The following TEX22 variants were observed in gnomAD, a reference collection of about 807,000 sequenced individuals.
The protein encoded by TEX22 is testis expressed 22, also known as testis-expressed protein 22.
TEX22 carries 16 observed loss-of-function variants against 11.3 expected under a neutral mutation model. The observed-to-expected ratio is 1.42, with a 90% CI of 0.96 to 2.15. The LOEUF (loss-of-function observed/expected upper bound fraction) is 2.15. Among genes scored for constraint, TEX22 ranks in the 30% most tolerant of loss-of-function variants. The probability of loss-of-function intolerance (pLI) is 0.00; values close to 1 mark genes in which losing one functional copy is unlikely to be tolerated. For missense variants in TEX22, 220 were observed against 208.6 expected (o/e 1.05, Z -0.34); for synonymous variants, 97 against 92.3 (o/e 1.05, Z -0.29).
At chr14:105,399,232 A>G (rs1353773931) in intron 1 of TEX22, 70 bp from the exon 2 acceptor site, 5 of 873,882 alleles carry the variant, frequency 5.7e-6, no homozygotes, top group Middle Eastern at 3.0e-4. Context: ...GCCCCCAGGG[A>G]CTCAGGTATT....
At chr14:105,408,170 A>G (rs1277203317) in intron 2 of TEX22, among the ~76,000 whole-genome samples, 1 of 152,172 alleles carries the variant, frequency 6.6e-6, no homozygotes, top group Non-Finnish European at 1.5e-5. Flanking sequence ...CAGCCCTTGC[A>G]GACGTCCCAC....
At chr14:105,403,078 C>G (rs1041217046) in intron 2 of TEX22, among the ~76,000 whole-genome samples, 2 of 152,186 alleles carry the variant, frequency 1.3e-5, no homozygotes, top group African/African-American at 2.4e-5. Context: ...CACTGCAGAG[C>G]AGGGCATCCT....
intron 2 of TEX22, among the ~76,000 whole-genome samples, chr14:105,410,283 G>A (rs587660436): frequency 6.6e-6 from 1 of 152,182 alleles, no homozygotes; most frequent in East Asian, 1.9e-4. Flanking sequence ...TTCCACGTTG[G>A]TCAGGCTAGT....
At chr14:105,401,893 G>A (rs151080219) in intron 2 of TEX22, among the ~76,000 whole-genome samples, 1 of 152,260 alleles carries the variant, frequency 6.6e-6, no homozygotes, top group Non-Finnish European at 1.5e-5. Context: ...CCACTATGAC[G>A]TCAGAAAAAT....
chr14:105,399,844 G>C lies in TEX22; in HGVS notation c.150+354G>C, dbSNP rs781870215. ...GCGGGAGGGAAAGCAAGGTCCCCAG[G>C]GGGGGTGGTGTCCTCCCAACCAGGT... On this transcript the variant is annotated intron_variant, in intron 2 of 3. Transcript: ENST00000451127. Among the ~76,000 whole-genome samples, 4 of 152,324 alleles carry C rather than the reference G, an allele frequency of 2.6e-5. No homozygotes were observed. In the East Asian group the frequency reaches 5.8e-4, roughly 22 times the overall value.
chr14:105,402,613 G>T (rs894558228), intron 2 of TEX22, among the ~76,000 whole-genome samples: 19 of 152,046 alleles, frequency 1.2e-4, no homozygotes, highest in Admixed American at 1.1e-3. Flanking sequence ...AAAATTAGCC[G>T]GGCGTGGTGG....
Position 105,412,125 on chromosome 14 carries a change from A to G in TEX22, c.*292A>G. The stretch of plus-strand genomic sequence containing the variant: ...GCTTGCCCTCGGGGCCGCTGGGAGG[A>G]GGCCTGGGGTACCTGGGCCTGCCTG... On this transcript the variant is annotated 3_prime_UTR_variant, in exon 4 of 4. Transcript: ENST00000451127. The surrounding 1 kb of genome is among the most constrained non-coding windows in gnomAD (Gnocchi z 5.8). 1 of 296,164 alleles carries G rather than the reference A, an allele frequency of 3.4e-6. No homozygotes were observed. Among genetic ancestry groups the G allele is most frequent in the East Asian group, 5.6e-5 (1 of 17,824 alleles). 18.3% of individuals were successfully genotyped at this position (296,164 alleles called of 1,614,324 possible). A position where few individuals can be genotyped will look rare whatever the true frequency, so the allele number is the denominator to read the frequency against.
At chr14:105,400,815 G>A (rs1555418268) in intron 2 of TEX22, among the ~76,000 whole-genome samples, 1 of 152,184 alleles carries the variant, frequency 6.6e-6, no homozygotes, top group Non-Finnish European at 1.5e-5. Context: ...CAGGTTTTTA[G>A]TTTGGGGACA....
chr14:105,411,466 G>A lies in TEX22; in HGVS notation c.249G>A (p.Pro83=), dbSNP rs992600542. The change falls in exon 3 of 4, where the codon CCG becomes CCA. Residue 83 remains proline, a synonymous_variant. Transcript: ENST00000451127. ...CCACGCTGGGCGGCCGGGAGAGGCC[G>A]GGCGCCGCCGGGACCCAGCTGCACT... ...RLATLGGRER[P]GAAGTQLHCR... is the part of the protein sequence containing the mutation. 136 of 1,232,346 alleles carry A rather than the reference G, an allele frequency of 1.1e-4. No homozygotes were observed. Among genetic ancestry groups the A allele is most frequent in the Non-Finnish European group, 1.3e-4 (131 of 989,596 alleles). 76.3% of individuals were successfully genotyped at this position (1,232,346 alleles called of 1,614,324 possible).
chr14:105,406,923 T>A (rs1349699286), intron 2 of TEX22, among the ~76,000 whole-genome samples: 2 of 152,194 alleles, frequency 1.3e-5, no homozygotes, highest in Non-Finnish European at 2.9e-5. Context: ...TTCAAATAAT[T>A]TGCACGGTCA....
At chr14:105,402,165 G>A (rs587661035) in intron 2 of TEX22, among the ~76,000 whole-genome samples, 3 of 152,270 alleles carry the variant, frequency 2.0e-5, no homozygotes, top group East Asian at 1.9e-4. Context: ...CAGCCTGGGC[G>A]ACAGAGGGAG....
At chr14:105,403,464 T>C (rs1283529363) in intron 2 of TEX22, among the ~76,000 whole-genome samples, 1 of 152,170 alleles carries the variant, frequency 6.6e-6, no homozygotes, top group Non-Finnish European at 1.5e-5. Context: ...TTATCCTGGC[T>C]CTCCTAGACT....
intron 2 of TEX22, among the ~76,000 whole-genome samples, chr14:105,407,497 C>T (rs757840979): frequency 6.6e-6 from 1 of 151,972 alleles, no homozygotes; most frequent in Non-Finnish European, 1.5e-5. Context: ...CTCAGCCTCC[C>T]GAATAGCTGG....
chr14:105,406,567 C>T (rs78757127), intron 2 of TEX22, among the ~76,000 whole-genome samples: 7,526 of 151,680 alleles, frequency 0.05, 673 homozygotes, highest in African/African-American at 0.17. Context: ...AAAATTAGCC[C>T]GGGTGGCGTG....
intron 2 of TEX22, among the ~76,000 whole-genome samples, chr14:105,404,077 A>T (rs945693151): frequency 1.8e-4 from 27 of 152,228 alleles, no homozygotes; most frequent in African/African-American, 6.5e-4. Flanking sequence ...GGAGCTGCTT[A>T]GCTGGTGGCT....
At chr14:105,401,166 T>C (rs1046770979) in intron 2 of TEX22, among the ~76,000 whole-genome samples, 1 of 152,190 alleles carries the variant, frequency 6.6e-6, no homozygotes, top group Non-Finnish European at 1.5e-5. Context: ...CACAGCTCTG[T>C]CCCAGTGCTT....
chr14:105,402,265 A>T (rs2081631480), intron 2 of TEX22, among the ~76,000 whole-genome samples: 1 of 152,240 alleles, frequency 6.6e-6, no homozygotes. Context: ...ATCTGAAAAG[A>T]TGACAATCAC....
intron 2 of TEX22, among the ~76,000 whole-genome samples, chr14:105,408,968 GCTC>G (rs1376962885): frequency 7.2e-5 from 8 of 111,306 alleles, no homozygotes; most frequent in Admixed American, 2.5e-4. Flanking sequence ...CCCTCCTCCT[GCTC>G]CTCCTCCTCC....
At chr14:105,409,325 C>A (rs1285946071) in intron 2 of TEX22, among the ~76,000 whole-genome samples, 3 of 152,144 alleles carry the variant, frequency 2.0e-5, no homozygotes, top group Non-Finnish European at 4.4e-5. Flanking sequence ...GTTTTTGAGA[C>A]TCTAAAGATA....
Sources: gnomAD v4.1 joint callset for allele counts (sites outside exome capture counted in the v4.1 genomes callset) on GRCh38, gnomAD v4.1.1 for gene constraint, Gnocchi (gnomAD v3.1) non-coding constraint, MANE v1.5 for transcripts, NCBI Gene and HGNC (gene_info 2026-07-23, HGNC 2026-07-21) for gene names.